UBN2: variants seen among roughly 807,000 people sequenced by gnomAD.
UBN2 encodes ubinuclein 2.
In UBN2, 35 loss-of-function variants were observed where a neutral mutation model predicts 120.2. The ratio of observed to expected loss-of-function variants is 0.29; its 90% CI spans 0.22 to 0.39. The LOEUF is 0.39. Among genes scored for constraint, UBN2 ranks in the 10% least tolerant of loss-of-function variants. The pLI is 1.00. For synonymous variants in UBN2, 661 were observed against 648.7 expected (o/e 1.02, Z -0.29); for missense variants, 1,693 against 1,663.2 (o/e 1.02, Z -0.31).
At position 139,284,041 on chromosome 7, in the gene UBN2, G is replaced by A; in HGVS notation, c.3136G>A (p.Ala1046Thr). 1 of 1,614,010 alleles carries A rather than the reference G, an allele frequency of 6.2e-7. No individual in the cohort carries two copies. The stretch of plus-strand genomic sequence containing the variant: ...AAAACTTGCCGCATCTCCCAAGCCT[G>A]CCACATCTCCTAAACCCCTGCCCTC... ...SPKLAASPKPATSPKPLPSPK... is the reference protein window; with the variant it reads ...SPKLAASPKPTTSPKPLPSPK... The change falls in exon 15 of 18, where the codon GCC becomes ACC. Residue 1046 changes from alanine to threonine, a missense_variant. By Grantham distance (58) the Ala-to-Thr change is moderately conservative (BLOSUM62 0). Coordinates refer to ENST00000473989, the MANE Select transcript of UBN2 (RefSeq NM_173569.4).
chr7:139,286,729 T>G (rs1034589453), intron 15 of UBN2, among the ~76,000 whole-genome samples: 3 of 152,224 alleles, frequency 2.0e-5, no homozygotes, highest in African/African-American at 7.2e-5. Context: ...ATTTATGGAA[T>G]TGTGTTGTCT....
At chr7:139,259,127 C>T (rs1225093812) in intron 4 of UBN2, 140 bp from the exon 5 acceptor site, 3 of 1,295,576 alleles carry the variant, frequency 2.3e-6, no homozygotes, top group Non-Finnish European at 3.1e-6. Context: ...TGCTCTTGAA[C>T]CCCAAGGATC....
At chr7:139,285,988 A>G (rs1388197788) in intron 15 of UBN2, among the ~76,000 whole-genome samples, 1 of 152,010 alleles carries the variant, frequency 6.6e-6, no homozygotes, top group Non-Finnish European at 1.5e-5. Flanking sequence ...GTGCAATGAC[A>G]TGATCTCGGC....
intron 2 of UBN2, among the ~76,000 whole-genome samples, chr7:139,237,912 A>G (rs983283065): frequency 5.3e-5 from 8 of 152,214 alleles, no homozygotes; most frequent in African/African-American, 1.9e-4. Context: ...ACTTCTTTGA[A>G]AGTGTCCGGT....
chr7:139,308,027 T>TG lies in UBN2; in HGVS notation c.*10191_*10192insG, dbSNP rs1798394289. ...TCCTTCAGTGCAGGGATTTTTGTGT[T>TG]TTTTTTTTTTTTTTAATTTTTTTGC... On this transcript the variant is annotated 3_prime_UTR_variant, in exon 18 of 18. Coordinates refer to ENST00000473989, the MANE Select transcript of UBN2 (RefSeq NM_173569.4). The TG allele has an allele frequency of 1.8e-5, 2 of 109,904 alleles. No individual in the cohort carries two copies. The highest frequency in any genetic ancestry group is 8.1e-5 in the Admixed American group (1 of 12,366). 6.8% of individuals were successfully genotyped at this position (109,904 alleles called of 1,614,324 possible). A position where few individuals can be genotyped will look rare whatever the true frequency, so the allele number is the denominator to read the frequency against.
chr7:139,273,885 ATGTT>A (rs751480385), intron 10 of UBN2, 42 bp from the exon 11 acceptor site: 3 of 1,503,548 alleles, frequency 2.0e-6, no homozygotes, highest in Non-Finnish European at 2.7e-6. Context: ...TGCCAAATGT[ATGTT>A]CTTCTAAAAA....
rs564596499 is a variant in UBN2 at position 139,306,464 on chromosome 7, G to C, written c.*8628G>C. The C allele has an allele frequency of 6.6e-6, 1 of 152,246 alleles. No homozygotes were observed. The highest frequency in any genetic ancestry group is 2.1e-4 in the South Asian group (1 of 4,826). 9.4% of individuals were successfully genotyped at this position (152,246 alleles called of 1,614,324 possible). A position where few individuals can be genotyped will look rare whatever the true frequency, so the allele number is the denominator to read the frequency against. On this transcript the variant is annotated 3_prime_UTR_variant, in exon 18 of 18. Coordinates refer to ENST00000473989, the MANE Select transcript of UBN2 (RefSeq NM_173569.4). ...GTATTACTGTTATACATAGTTAATT[G>C]GAAAGTTGGCCAACTTTGGTCACCT...
chr7:139,287,851 A>G (rs1460683288), intron 15 of UBN2, among the ~76,000 whole-genome samples: 1 of 152,172 alleles, frequency 6.6e-6, no homozygotes, highest in African/African-American at 2.4e-5. Flanking sequence ...CACTGAAAAC[A>G]GAGTTCCTAT....
At position 139,299,705 on chromosome 7, in the gene UBN2, G is replaced by A. The variant is rs1311289531; in HGVS notation, c.*1869G>A. 6.6e-6 allele frequency: 1 copy of A among 152,160 alleles called. No homozygotes were observed. The highest frequency in any genetic ancestry group is 1.9e-4 in the East Asian group (1 of 5,204). 9.4% of individuals were successfully genotyped at this position (152,160 alleles called of 1,614,324 possible). A position where few individuals can be genotyped will look rare whatever the true frequency, so the allele number is the denominator to read the frequency against. On this transcript the variant is annotated 3_prime_UTR_variant, in exon 18 of 18. Transcript: ENST00000473989. ...TATTTTGGAAGGATACTGGGAGGATGTTGCAGAGAGGTTTGACTTGAATTC... is the reference window on the plus strand; with the variant it reads ...TATTTTGGAAGGATACTGGGAGGATATTGCAGAGAGGTTTGACTTGAATTC...
chr7:139,297,829 C>T lies in UBN2; in HGVS notation c.4037C>T (p.Ser1346Phe). Reference protein sequence around the residue: ...SKGDTKLPRKSQ With the variant: ...SKGDTKLPRKFQ ...GGGGACACTAAATTACCACGGAAAT[C>T]TCAGTGACTGCCCAGCAAGCAAAGG... The change falls in exon 18 of 18, where the codon TCT (serine) becomes TTT (phenylalanine). Residue 1346 changes from serine to phenylalanine, a missense_variant. Physicochemically the swap from Ser to Phe is radical, Grantham distance 155. Coordinates refer to ENST00000473989, the MANE Select transcript of UBN2 (RefSeq NM_173569.4). 6.2e-7 allele frequency: 1 copy of T among 1,614,136 alleles called. No homozygotes were observed. Among genetic ancestry groups the T allele is most frequent in the Non-Finnish European group, 8.5e-7 (1 of 1,180,004 alleles).
rs756519650 is a variant in UBN2 at position 139,269,527 on chromosome 7, A to G, written c.1596+4A>G. The G allele has an allele frequency of 1.0e-4, 162 of 1,613,464 alleles. No individual in the cohort carries two copies. The highest frequency in any genetic ancestry group is 2.1e-4 in the South Asian group (19 of 90,926). On this transcript the variant is annotated splice_donor_region_variant and intron_variant, in intron 8 of 17. Transcript: ENST00000473989. ...GAAGTTACATCTCAATGTCCAGGTA[A>G]GAGGAAGAACAATAATATCTACATC...
chr7:139,313,870 C>CA, the UBN2 span, among the ~76,000 whole-genome samples: 3 of 146,878 alleles, frequency 2.0e-5, no homozygotes, highest in African/African-American at 7.6e-5. Flanking sequence ...TTTTTTGAGA[C>CA]AGAGTTTTGC....
rs1168312657 is a variant in UBN2 at position 139,303,990 on chromosome 7, GT to G, written c.*6158del. ...TTGGAGTTGATAAATGATCCTGGAAGTTTTAACTGTCTCACTTTTCCATCTT... is the reference window on the plus strand; with the variant it reads ...TTGGAGTTGATAAATGATCCTGGAAGTTTAACTGTCTCACTTTTCCATCTT... On this transcript the variant is annotated 3_prime_UTR_variant, in exon 18 of 18. Coordinates refer to ENST00000473989, the MANE Select transcript of UBN2 (RefSeq NM_173569.4). The G allele has an allele frequency of 2.6e-5, 4 of 152,136 alleles. No individual in the cohort carries two copies. Among genetic ancestry groups the G allele is most frequent in the Admixed American group, 1.3e-4 (2 of 15,278 alleles). The allele number at this position is 152,136 out of a possible 1,614,324, so 9.4% of individuals were successfully genotyped here. A position where few individuals can be genotyped will look rare whatever the true frequency, so the allele number is the denominator to read the frequency against.
chr7:139,257,608 G>A (rs1179936856), intron 3 of UBN2, among the ~76,000 whole-genome samples: 2 of 151,954 alleles, frequency 1.3e-5, no homozygotes, highest in East Asian at 3.9e-4. Flanking sequence ...AGTAGAGATG[G>A]GGTTTCACTA....
intron 1 of UBN2, among the ~76,000 whole-genome samples, chr7:139,235,107 C>T (rs538599977): frequency 1.3e-5 from 2 of 152,116 alleles, no homozygotes; most frequent in East Asian, 1.9e-4. Flanking sequence ...ACATAAAATA[C>T]ATAAAATATT....
intron 2 of UBN2, among the ~76,000 whole-genome samples, chr7:139,250,287 C>T (rs1796589195): frequency 1.3e-5 from 2 of 152,060 alleles, no homozygotes; most frequent in African/African-American, 4.8e-5. Flanking sequence ...GGCTGAAGTG[C>T]AGTGGTACCA....
intron 4 of UBN2, 103 bp from the exon 5 acceptor site, chr7:139,259,164 C>G: frequency 6.7e-7 from 1 of 1,494,862 alleles, no homozygotes; most frequent in Non-Finnish European, 8.9e-7. Context: ...GATTGTAATG[C>G]ACACTGACAT....
At chr7:139,257,794 TG>T (rs1796805291) in intron 3 of UBN2, among the ~76,000 whole-genome samples, 3 of 152,178 alleles carry the variant, frequency 2.0e-5, no homozygotes, top group Admixed American at 2.0e-4. Flanking sequence ...TTAAACAGAA[TG>T]TTGTTGCTGT....
chr7:139,289,920 G>GTCT (rs1563227068), intron 15 of UBN2, among the ~76,000 whole-genome samples: 1 of 151,242 alleles, frequency 6.6e-6, no homozygotes, highest in Non-Finnish European at 1.5e-5. Context: ...CCGAGACAGA[G>GTCT]TCTTGCTCTG....
Sources: allele counts gnomAD v4.1 joint callset (sites outside exome capture counted in the v4.1 genomes callset), GRCh38; gene constraint gnomAD v4.1.1; transcripts MANE v1.5; gene names NCBI Gene and HGNC (gene_info 2026-07-23, HGNC 2026-07-21).